Variants in MGAT4C observed in about 807,000 individuals in gnomAD.
MGAT4C encodes MGAT4 family member C, also known as alpha-1,3-mannosyl-glycoprotein 4-beta-N-acetylglucosaminyltransferase C.
MGAT4C carries 19 observed loss-of-function variants against 40.1 expected under a neutral mutation model. The ratio of observed to expected loss-of-function variants is 0.47; its 90% CI spans 0.33 to 0.70. The LOEUF is 0.70. Ranked by LOEUF, MGAT4C falls within the 30% of genes least tolerant of loss-of-function variation. The pLI, the probability that MGAT4C is intolerant of heterozygous loss-of-function variation, is 0.02. For missense variants in MGAT4C, 491 were observed against 563.2 expected (o/e 0.87, Z 1.30); for synonymous variants, 181 against 187.1 (o/e 0.97, Z 0.27).
intron 3 of MGAT4C, among the ~76,000 whole-genome samples, chr12:86,431,507 T>A (rs1957038742): frequency 6.6e-6 from 1 of 152,146 alleles, no homozygotes; most frequent in Non-Finnish European, 1.5e-5. Context: ...TGGTCCTCCA[T>A]TTACAACGGT....
At chr12:86,074,030 G>A (rs1243384924) in intron 1 of MGAT4C, among the ~76,000 whole-genome samples, 1 of 152,010 alleles carries the variant, frequency 6.6e-6, no homozygotes, top group Non-Finnish European at 1.5e-5. Flanking sequence ...GGGATCGGGG[G>A]AGGTAATTGA....
intron 2 of MGAT4C, among the ~76,000 whole-genome samples, chr12:86,456,514 G>A (rs1957513792): frequency 6.6e-6 from 1 of 152,070 alleles, no homozygotes; most frequent in African/African-American, 2.4e-5. Context: ...CCAAAATCTA[G>A]CATCTAGAGT....
intron 1 of MGAT4C, among the ~76,000 whole-genome samples, chr12:86,158,341 G>A (rs1438053522): frequency 6.6e-6 from 1 of 152,070 alleles, no homozygotes; most frequent in Non-Finnish European, 1.5e-5. Context: ...ACCTTTTAGA[G>A]ATGTTTACTA....
chr12:86,563,645 C>T (rs1349795190), intron 2 of MGAT4C, among the ~76,000 whole-genome samples: 1 of 152,152 alleles, frequency 6.6e-6, no homozygotes, highest in Non-Finnish European at 1.5e-5. Context: ...CCAAGGAGAC[C>T]TCTGGTCTTT....
chr12:86,826,691 G>C (rs73181398), intron 1 of MGAT4C, among the ~76,000 whole-genome samples: 1,929 of 151,278 alleles, frequency 0.013, 15 homozygotes, highest in Middle Eastern at 0.024. Flanking sequence ...GAATGAGAGA[G>C]TTCATGTACT....
At position 86,726,816 on chromosome 12, in the gene MGAT4C, G is replaced by A. The variant is rs192238905; in HGVS notation, c.-229+393C>T. On this transcript the variant is annotated intron_variant, in intron 2 of 7. Coordinates refer to the MGAT4C transcript ENST00000548651. ...GACAATCTAAAATTAATTTGAAAAC[G>A]TAGAGATGTTGTCCACAAAGGTGTA... Among the ~76,000 whole-genome samples, 50 of 152,200 alleles carry A rather than the reference G, an allele frequency of 3.3e-4. No homozygotes were observed. The East Asian group carries it at 4.4e-3, about 14-fold the overall frequency.
At chr12:86,049,304 CTGTG>C (rs112761344) in intron 2 of MGAT4C, among the ~76,000 whole-genome samples, 6 of 148,520 alleles carry the variant, frequency 4.0e-5, no homozygotes, top group African/African-American at 7.4e-5. Context: ...GTGTGTGCGC[CTGTG>C]TGTGTGTGTG....
chr12:86,206,309 G>A lies in MGAT4C; in HGVS notation c.-57+49930C>T, dbSNP rs532457300. ...AAGTGGAAAAGCACAGTGTGGTTAA[G>A]AGATTCATAAAATTGTGCTTGGATT... On this transcript the variant is annotated intron_variant, in intron 1 of 4. Coordinates refer to ENST00000611864, the MANE Select transcript of MGAT4C (RefSeq NM_001351288.2). Among the ~76,000 whole-genome samples the A allele has an allele frequency of 3.2e-4, 48 of 152,266 alleles. 1 individual carries two copies. In the South Asian group the frequency reaches 9.9e-3, roughly 32 times the overall value.
chr12:86,365,386 C>T (rs1490338441), intron 3 of MGAT4C, among the ~76,000 whole-genome samples: 1 of 152,120 alleles, frequency 6.6e-6, no homozygotes, highest in Non-Finnish European at 1.5e-5. Context: ...ATGCAATCAT[C>T]ACAGGGGCCT....
At chr12:86,442,497 A>C (rs1957251404) in intron 2 of MGAT4C, among the ~76,000 whole-genome samples, 1 of 152,244 alleles carries the variant, frequency 6.6e-6, no homozygotes, top group Admixed American at 6.5e-5. Context: ...TTAAGTGTTT[A>C]ATCCATCTTG....
At chr12:86,109,058 T>G (rs1334291995) in intron 1 of MGAT4C, among the ~76,000 whole-genome samples, 2 of 152,274 alleles carry the variant, frequency 1.3e-5, no homozygotes, top group East Asian at 1.9e-4. Context: ...GCAGAGATCC[T>G]GTATGGTCAG....
At chr12:86,722,810 TG>T (rs1165108939) in intron 2 of MGAT4C, among the ~76,000 whole-genome samples, 1 of 152,160 alleles carries the variant, frequency 6.6e-6, no homozygotes, top group Non-Finnish European at 1.5e-5. Flanking sequence ...CTAGGTCAAA[TG>T]TCTATTCCTC....
chr12:86,697,341 T>A, intron 2 of MGAT4C, among the ~76,000 whole-genome samples: 1 of 152,060 alleles, frequency 6.6e-6, no homozygotes, highest in East Asian at 1.9e-4. Context: ...CTTGACTAAT[T>A]GATGATATTA....
chr12:86,739,133 C>CAAAAAAAAAAAAAAAAAAAAAAAA (rs59869666), intron 1 of MGAT4C, among the ~76,000 whole-genome samples: 3 of 39,772 alleles, frequency 7.5e-5, no homozygotes, highest in Non-Finnish European at 1.3e-4. Flanking sequence ...TTTCCCTGTG[C>CAAAAAAAAAAAAAAAAAAAAAAAA]AAAAAAAAAA....
At chr12:86,102,415 A>G (rs1875277129) in intron 1 of MGAT4C, among the ~76,000 whole-genome samples, 1 of 152,094 alleles carries the variant, frequency 6.6e-6, no homozygotes, top group African/African-American at 2.4e-5. Context: ...AGTGAAAACA[A>G]AACAAACGAA....
At chr12:86,300,646 G>A (rs915403450) in intron 4 of MGAT4C, among the ~76,000 whole-genome samples, 2 of 152,122 alleles carry the variant, frequency 1.3e-5, no homozygotes, top group African/African-American at 2.4e-5. Flanking sequence ...TAAACATTTT[G>A]TTGTTAAAAA....
chr12:86,104,260 TA>T (rs34925997), intron 1 of MGAT4C, among the ~76,000 whole-genome samples: 81,671 of 141,934 alleles, frequency 0.58, 23,144 homozygotes, highest in South Asian at 0.71. Context: ...CGTCTCTACT[TA>T]AAAAAAAAAA....
intron 4 of MGAT4C, among the ~76,000 whole-genome samples, chr12:86,263,785 C>T (rs577183665): frequency 1.3e-5 from 2 of 152,232 alleles, no homozygotes; most frequent in East Asian, 1.9e-4. Context: ...AATTTACATT[C>T]CCACCAACAG....
chr12:85,976,087 T>C lies in MGAT4C; in HGVS notation c.*3202A>G, dbSNP rs1883959367. 6.6e-6 allele frequency: 1 copy of C among 151,086 alleles called. No homozygotes were observed. The highest frequency in any genetic ancestry group is 2.1e-4 in the South Asian group (1 of 4,830). The allele number at this position is 151,086 out of a possible 1,614,324, so 9.4% of individuals were successfully genotyped here. A position where few individuals can be genotyped will look rare whatever the true frequency, so the allele number is the denominator to read the frequency against. On this transcript the variant is annotated 3_prime_UTR_variant, in exon 5 of 5. Coordinates refer to ENST00000611864, the MANE Select transcript of MGAT4C (RefSeq NM_001351288.2). ...CATCATATATTACAATTTGAAAATG[T>C]TTGTTTCATTTTTTATATAATTATT...
Sources: gnomAD v4.1 joint callset for allele counts (sites outside exome capture counted in the v4.1 genomes callset) on GRCh38, gnomAD v4.1.1 for gene constraint, MANE v1.5 for transcripts, NCBI Gene and HGNC (gene_info 2026-07-23, HGNC 2026-07-21) for gene names.